Variants in SNX10 observed in about 807,000 individuals in gnomAD.
SNX10 encodes sorting nexin 10.
A neutral mutation model predicts 28.5 loss-of-function variants in SNX10; 25 were observed. The ratio of observed to expected loss-of-function variants is 0.88; its 90% CI spans 0.64 to 1.22. SNX10 has a LOEUF of 1.22. SNX10 is among the 50% of genes most tolerant of loss of function. The pLI, the probability that SNX10 is intolerant of heterozygous loss-of-function variation, is 0.00. For missense variants in SNX10, 223 were observed against 242.6 expected (o/e 0.92, Z 0.54); for synonymous variants, 62 against 81.4 (o/e 0.76, Z 1.28).
intron 2 of SNX10, among the ~76,000 whole-genome samples, chr7:26,352,040 A>G (rs1036784911): frequency 2.5e-4 from 38 of 152,282 alleles, no homozygotes; most frequent in African/African-American, 8.9e-4. Context: ...GCATGCTAAT[A>G]TAAAATGTTA....
At chr7:26,314,601 C>T (rs987909227) in intron 1 of SNX10, among the ~76,000 whole-genome samples, 4 of 152,100 alleles carry the variant, frequency 2.6e-5, no homozygotes, top group Admixed American at 6.5e-5. Flanking sequence ...CAACTATTTC[C>T]GTAGTATATG....
At chr7:26,315,052 G>T (rs926326816) in intron 1 of SNX10, among the ~76,000 whole-genome samples, 51 of 151,778 alleles carry the variant, frequency 3.4e-4, no homozygotes, top group Non-Finnish European at 6.0e-4. Context: ...AAAATAGCAG[G>T]AAAAAGAATC....
At chr7:26,368,459 C>T (rs955447303) in intron 5 of SNX10, among the ~76,000 whole-genome samples, 2 of 152,268 alleles carry the variant, frequency 1.3e-5, no homozygotes, top group African/African-American at 4.8e-5. Flanking sequence ...CAGTAAGTCT[C>T]TAACTATGAA....
At chr7:26,304,066 A>G (rs1228002004) in intron 1 of SNX10, among the ~76,000 whole-genome samples, 1 of 152,202 alleles carries the variant, frequency 6.6e-6, no homozygotes, top group Admixed American at 6.5e-5. Context: ...AAGAAAAGGA[A>G]CATAGAATTG....
chr7:26,356,251 T>C (rs543462086), intron 2 of SNX10, among the ~76,000 whole-genome samples: 1 of 152,342 alleles, frequency 6.6e-6, no homozygotes, highest in Non-Finnish European at 1.5e-5. Flanking sequence ...ACAGTTAGTC[T>C]AAATTTTTAA....
In SNX10 at chr7:26,364,994, C is replaced by T. The variant is rs1405602653; in HGVS notation, c.213-53C>T. ...CCTTCACTTTGAGGGATTTCTGTAA[C>T]AGAAGCACCTTGAGTTAATCATTTA... On this transcript the variant is annotated intron_variant, in intron 4 of 6. Transcript: ENST00000338523. This position sits in a 1 kb window ranked among gnomAD's most constrained non-coding sequence, Gnocchi z 4.9. 9.0e-7 allele frequency: 1 copy of T among 1,106,930 alleles called. No homozygotes were observed. The highest frequency in any genetic ancestry group is 1.4e-6 in the Non-Finnish European group (1 of 723,038). The allele number at this position is 1,106,930 out of a possible 1,614,324, so 68.6% of individuals were successfully genotyped here. A position where few individuals can be genotyped will look rare whatever the true frequency, so the allele number is the denominator to read the frequency against.
intron 5 of SNX10, among the ~76,000 whole-genome samples, chr7:26,366,193 G>A (rs1219131558): frequency 6.6e-6 from 1 of 152,048 alleles, no homozygotes; most frequent in Non-Finnish European, 1.5e-5. Flanking sequence ...TCTCCTTTGG[G>A]GTTCACTAAA....
chr7:26,301,902 A>G (rs997499366), intron 1 of SNX10, among the ~76,000 whole-genome samples: 3 of 152,124 alleles, frequency 2.0e-5, no homozygotes, highest in Admixed American at 1.3e-4. Flanking sequence ...CTGATTTAAA[A>G]GTTTTTTATT....
chr7:26,300,390 GC>G (rs1487655641), intron 1 of SNX10, among the ~76,000 whole-genome samples: 1 of 151,994 alleles, frequency 6.6e-6, no homozygotes, highest in Non-Finnish European at 1.5e-5. Flanking sequence ...ACTACATCTA[GC>G]CCTAAATCTT....
chr7:26,329,172 G>A (rs1420249769), intron 1 of SNX10, among the ~76,000 whole-genome samples: 3 of 152,190 alleles, frequency 2.0e-5, no homozygotes, highest in South Asian at 2.1e-4. Context: ...CCACAGGCCC[G>A]GTGTGACCCG....
At position 26,365,762 on chromosome 7, in the gene SNX10, A is replaced by G. The variant is rs953346279; in HGVS notation, c.311+617A>G. ...CACTCTCTGGAATGCTGGAATACCC[A>G]GAATGCTAGAGGCCATATAGCACGC... On this transcript the variant is annotated intron_variant, in intron 5 of 6. Coordinates refer to ENST00000338523, the MANE Select transcript of SNX10 (RefSeq NM_013322.3). Among the ~76,000 whole-genome samples the G allele has an allele frequency of 5.3e-5, 8 of 152,190 alleles. No homozygotes were observed. The East Asian group carries it at 1.5e-3, about 29-fold the overall frequency.
intron 1 of SNX10, among the ~76,000 whole-genome samples, chr7:26,336,562 C>T (rs73068425): frequency 0.17 from 25,921 of 151,894 alleles, 2,550 homozygotes; most frequent in South Asian, 0.41. Context: ...AAAAATTAGC[C>T]GGGCTTGGTG....
intron 2 of SNX10, 99 bp downstream of exon 2, chr7:26,346,565 AG>A (rs1258971506): frequency 1.1e-6 from 1 of 927,812 alleles, no homozygotes; most frequent in African/African-American, 1.6e-5. Context: ...TTGCTTGAGG[AG>A]GTTTCATGAA....
chr7:26,309,366 TC>T (rs1786729737), intron 1 of SNX10, among the ~76,000 whole-genome samples: 2 of 100,248 alleles, frequency 2.0e-5, no homozygotes, highest in South Asian at 7.5e-4. Flanking sequence ...TACTTAATCA[TC>T]CAAAAAAAAA....
intron 1 of SNX10, among the ~76,000 whole-genome samples, chr7:26,319,411 T>G (rs1426683187): frequency 1.3e-5 from 2 of 152,246 alleles, no homozygotes; most frequent in African/African-American, 2.4e-5. Context: ...AACTACTGTT[T>G]GTTGCCTTAA....
At chr7:26,341,392 G>A (rs574064222) in intron 1 of SNX10, among the ~76,000 whole-genome samples, 2 of 152,168 alleles carry the variant, frequency 1.3e-5, no homozygotes, top group East Asian at 3.9e-4. Flanking sequence ...TTCTTCATTG[G>A]TGGAAGAGAG....
chr7:26,295,912 A>T (rs980528289), intron 1 of SNX10, among the ~76,000 whole-genome samples: 1 of 152,276 alleles, frequency 6.6e-6, no homozygotes, highest in African/African-American at 2.4e-5. Context: ...ACAGGCAGCC[A>T]TTCAGACCTC....
At chr7:26,351,453 A>G (rs769043843) in intron 2 of SNX10, among the ~76,000 whole-genome samples, 53 of 152,162 alleles carry the variant, frequency 3.5e-4, no homozygotes, top group Admixed American at 1.4e-3. Flanking sequence ...GACAAACATC[A>G]GACAAATCTG....
chr7:26,330,239 G>T (rs1406034124), intron 1 of SNX10, among the ~76,000 whole-genome samples: 4 of 152,060 alleles, frequency 2.6e-5, no homozygotes, highest in African/African-American at 9.7e-5. Context: ...AAGTCAGTGT[G>T]GAGGGGTCGG....
Sources: gnomAD v4.1 joint callset for allele counts (sites outside exome capture counted in the v4.1 genomes callset) on GRCh38, gnomAD v4.1.1 for gene constraint, Gnocchi (gnomAD v3.1) non-coding constraint, MANE v1.5 for transcripts, NCBI Gene and HGNC (gene_info 2026-07-23, HGNC 2026-07-21) for gene names.